OSBPL2: variants seen among roughly 807,000 people sequenced by gnomAD.
OSBPL2 encodes the protein oxysterol binding protein like 2.
A neutral mutation model predicts 58.4 loss-of-function variants in OSBPL2; 18 were observed. The observed-to-expected ratio is 0.31, with a 90% CI of 0.21 to 0.46. The LOEUF is 0.46. OSBPL2 is among the 20% of genes least tolerant of loss of function. The probability of loss-of-function intolerance (pLI) is 1.00; values close to 1 mark genes in which losing one functional copy is unlikely to be tolerated. For missense variants in OSBPL2, 461 were observed against 616.5 expected, an observed-to-expected ratio of 0.75 and a Z score of 2.67; for synonymous variants, 221 against 234.1, an observed-to-expected ratio of 0.94 and a Z score of 0.51.
intron 1 of OSBPL2, among the ~76,000 whole-genome samples, chr20:62,246,791 G>T (rs934449260): frequency 1.3e-5 from 2 of 152,208 alleles, no homozygotes; most frequent in African/African-American, 4.8e-5. Flanking sequence ...TCATGTCACA[G>T]CAGGCTTTGT....
At chr20:62,290,704 AC>A (rs1207522115) in intron 12 of OSBPL2, among the ~76,000 whole-genome samples, 1 of 146,144 alleles carries the variant, frequency 6.8e-6, no homozygotes, top group Non-Finnish European at 1.5e-5. Flanking sequence ...ACAGGCATGA[AC>A]CACTGTGCCT....
intron 9 of OSBPL2, 150 bp downstream of exon 9, chr20:62,282,029 T>TAA (rs569514056): frequency 1.8e-4 from 83 of 471,318 alleles, no homozygotes; most frequent in Non-Finnish European, 3.1e-4. Flanking sequence ...GTATGACTCT[T>TAA]TTTTGTTTTG....
intron 1 of OSBPL2, among the ~76,000 whole-genome samples, chr20:62,253,934 G>A (rs1601157303): frequency 6.6e-6 from 1 of 152,196 alleles, no homozygotes; most frequent in African/African-American, 2.4e-5. Context: ...TGGGATTATA[G>A]GCACTTGTCA....
intron 1 of OSBPL2, among the ~76,000 whole-genome samples, chr20:62,251,023 G>C (rs573483404): frequency 7.3e-5 from 11 of 150,666 alleles, no homozygotes; most frequent in Non-Finnish European, 1.6e-4. Flanking sequence ...TTTTCACATA[G>C]TGCAGAGCAA....
chr20:62,289,265 A>T lies in OSBPL2; in HGVS notation c.1184A>T (p.Lys395Met). ...AACGAGCTGGAGACAGGCATGGAGA[A>T]GACCCTGCCACCCACGGACTGCCGC... ...SLNELETGMEKTLPPTDCRLR... is the reference protein window; with the variant it reads ...SLNELETGMEMTLPPTDCRLR... Residue 395 changes from lysine (K) to methionine (M), a missense_variant, in exon 12 of 14, where the codon AAG (lysine) becomes ATG (methionine). Lys to Met is a moderately conservative substitution (Grantham distance 95, BLOSUM62 -1). This residue lies in a region of OSBPL2 where 319 missense variants were observed against 419.2 expected (regional missense o/e 0.76). Transcript: ENST00000313733. 1 of 1,613,692 alleles carries T rather than the reference A, an allele frequency of 6.2e-7. No homozygotes were observed. Among genetic ancestry groups the T allele is most frequent in the East Asian group, 2.2e-5 (1 of 44,882 alleles).
At chr20:62,252,611 C>T (rs1004872977) in intron 1 of OSBPL2, among the ~76,000 whole-genome samples, 2 of 152,200 alleles carry the variant, frequency 1.3e-5, no homozygotes, top group Non-Finnish European at 2.9e-5. Context: ...GGTCTCTGTA[C>T]TTCCCTAGGT....
chr20:62,284,750 A>G (rs1247608545), intron 10 of OSBPL2: 1 of 152,386 alleles, frequency 6.6e-6, no homozygotes, highest in Non-Finnish European at 1.5e-5. Flanking sequence ...CGAGTCATAC[A>G]TAATTGCTGG....
intron 2 of OSBPL2, 102 bp downstream of exon 2, chr20:62,256,323 C>A: frequency 9.5e-7 from 1 of 1,053,148 alleles, no homozygotes; most frequent in Non-Finnish European, 1.4e-6. Context: ...CTCAGTAAAG[C>A]AGTGTGTGGG....
At chr20:62,250,024 G>T (rs1037537369) in intron 1 of OSBPL2, among the ~76,000 whole-genome samples, 2 of 152,214 alleles carry the variant, frequency 1.3e-5, no homozygotes, top group East Asian at 3.8e-4. Flanking sequence ...TGCCCCCAAG[G>T]CTCACTCTGA....
At chr20:62,281,322 G>T (rs1982768999) in intron 8 of OSBPL2, 157 bp downstream of exon 8, 4 of 597,128 alleles carry the variant, frequency 6.7e-6, no homozygotes, top group Admixed American at 5.7e-5. Context: ...GCCTAGACTT[G>T]ACTCTGACCG....
At chr20:62,287,228 A>G (rs1245682993) in intron 11 of OSBPL2, among the ~76,000 whole-genome samples, 2 of 152,184 alleles carry the variant, frequency 1.3e-5, no homozygotes, top group Admixed American at 1.3e-4. Flanking sequence ...ATGACAAATA[A>G]AATATGTGAT....
intron 1 of OSBPL2, among the ~76,000 whole-genome samples, chr20:62,251,988 C>G (rs1018385151): frequency 2.1e-5 from 3 of 142,092 alleles, no homozygotes; most frequent in Non-Finnish European, 4.5e-5. Context: ...CTCGAGTGAT[C>G]CTTCCACTTC....
At position 62,256,130 on chromosome 20, in the gene OSBPL2, C is replaced by G; in HGVS notation, c.-55C>G. 1 of 1,585,236 alleles carries G rather than the reference C, an allele frequency of 6.3e-7. No homozygotes were observed. The highest frequency in any genetic ancestry group is 8.7e-7 in the Non-Finnish European group (1 of 1,155,092). Reference sequence around the variant, plus strand: ...TTACACTGTAGATGTGGATCAGATACGATGATTCAGTAGAAGAGCACATGT... The same window carrying G: ...TTACACTGTAGATGTGGATCAGATAGGATGATTCAGTAGAAGAGCACATGT... On this transcript the variant is annotated 5_prime_UTR_variant, in exon 2 of 14. The change creates a premature stop within an existing upstream ORF in the 5' untranslated region. Coordinates refer to ENST00000313733, the MANE Select transcript of OSBPL2 (RefSeq NM_144498.4).
At chr20:62,284,209 G>C (rs750470038) in intron 10 of OSBPL2, 40 bp downstream of exon 10, 6 of 1,613,658 alleles carry the variant, frequency 3.7e-6, no homozygotes, top group Non-Finnish European at 4.2e-6. Context: ...TGAGCCCTGG[G>C]TGCTGAGGGC....
chr20:62,269,854 G>A lies in OSBPL2; in HGVS notation c.259-2271G>A, dbSNP rs1053566761. Among the ~76,000 whole-genome samples, 29 of 152,224 alleles carry A rather than the reference G, an allele frequency of 1.9e-4. No homozygotes were observed. The highest frequency in any genetic ancestry group is 1.5e-3 in the Admixed American group (23 of 15,288). On this transcript the variant is annotated intron_variant, in intron 4 of 13. Transcript: ENST00000313733. The surrounding 1 kb of genome is among the most constrained non-coding windows in gnomAD (Gnocchi z 4.2). ...CTTGTGCAGTCTTGGCCACACCCAT[G>A]TGCCGGGGCTGCCTCAGTTGGAATC... is the stretch of plus-strand genomic sequence containing the variant.
chr20:62,264,939 G>T (rs985829366), intron 4 of OSBPL2, among the ~76,000 whole-genome samples: 1 of 152,190 alleles, frequency 6.6e-6, no homozygotes, highest in African/African-American at 2.4e-5. Flanking sequence ...ACACACAGAA[G>T]TGAGGTACCC....
intron 3 of OSBPL2, among the ~76,000 whole-genome samples, chr20:62,262,571 T>C (rs1179716286): frequency 3.3e-5 from 5 of 152,222 alleles, no homozygotes; most frequent in Non-Finnish European, 4.4e-5. Context: ...AGCCCGGGCC[T>C]GGTACTCAGC....
At chr20:62,240,303 CAATG>C (rs1400520323) in intron 1 of OSBPL2, among the ~76,000 whole-genome samples, 2 of 152,206 alleles carry the variant, frequency 1.3e-5, no homozygotes, top group Non-Finnish European at 2.9e-5. Context: ...TAGAATGTGG[CAATG>C]AGTGAGTGAG....
chr20:62,282,760 G>C (rs1228789829), intron 9 of OSBPL2, among the ~76,000 whole-genome samples: 1 of 152,254 alleles, frequency 6.6e-6, no homozygotes, highest in Admixed American at 6.5e-5. Context: ...CTGGGAGATG[G>C]AGGTTGCAGT....
Sources: allele counts gnomAD v4.1 joint callset (sites outside exome capture counted in the v4.1 genomes callset), GRCh38; gene constraint gnomAD v4.1.1; regional missense constraint gnomAD v4.1.1; non-coding constraint Gnocchi (gnomAD v3.1); transcripts MANE v1.5; gene names NCBI Gene and HGNC (gene_info 2026-07-23, HGNC 2026-07-21).